Variants in CTNNA3 observed in about 807,000 individuals in gnomAD.
CTNNA3 encodes catenin alpha-3.
A neutral mutation model predicts 95.7 loss-of-function variants in CTNNA3; 76 were observed. The ratio of observed to expected loss-of-function variants is 0.79; its 90% confidence interval spans 0.66 to 0.96. The LOEUF is 0.96. Ranked by LOEUF, CTNNA3 falls within the 40% of genes least tolerant of loss-of-function variation. The pLI, the probability that CTNNA3 is intolerant of heterozygous loss-of-function variation, is 0.00. For missense variants in CTNNA3, 1,191 were observed against 1,089.8 expected (o/e 1.09, Z -1.31); for synonymous variants, 431 against 374.4 (o/e 1.15, Z -1.74).
At chr10:66,200,288 G>T (rs935199435) in intron 13 of CTNNA3, among the ~76,000 whole-genome samples, 3 of 151,892 alleles carry the variant, frequency 2.0e-5, no homozygotes, top group East Asian at 1.9e-4. Flanking sequence ...CAGGGGAACA[G>T]TGTTTCATAT....
At chr10:66,367,178 T>G (rs1234407933) in intron 12 of CTNNA3, among the ~76,000 whole-genome samples, 1 of 152,082 alleles carries the variant, frequency 6.6e-6, no homozygotes, top group Non-Finnish European at 1.5e-5. Context: ...GCTATGTAAC[T>G]GGTTAGCCCA....
intron 11 of CTNNA3, among the ~76,000 whole-genome samples, chr10:66,380,183 CTCTG>C (rs143334767): frequency 0.017 from 2,587 of 152,148 alleles, 71 homozygotes; most frequent in African/African-American, 0.059. Context: ...CTCTCACTCT[CTCTG>C]TCTGTGTCTC....
At chr10:67,691,222 G>A (rs1286896122) in intron 1 of CTNNA3, among the ~76,000 whole-genome samples, 1 of 152,170 alleles carries the variant, frequency 6.6e-6, no homozygotes, top group Non-Finnish European at 1.5e-5. Context: ...GGAGTGCAGT[G>A]GCATGATCTC....
chr10:65,927,877 T>C (rs555691526), intron 17 of CTNNA3, among the ~76,000 whole-genome samples: 279 of 152,312 alleles, frequency 1.8e-3, no homozygotes, highest in African/African-American at 6.5e-3. Flanking sequence ...AACAAACTGT[T>C]GACCAAAGTT....
chr10:65,973,940 A>T (rs975144034), intron 16 of CTNNA3, among the ~76,000 whole-genome samples: 4 of 152,198 alleles, frequency 2.6e-5, no homozygotes, highest in Non-Finnish European at 4.4e-5. Context: ...CAAAACATGA[A>T]TGGACACTTC....
chr10:67,628,250 C>CAA (rs199962864), intron 2 of CTNNA3, among the ~76,000 whole-genome samples: 2 of 121,616 alleles, frequency 1.6e-5, no homozygotes, highest in Non-Finnish European at 1.7e-5. Context: ...GAGTAAACTG[C>CAA]AAAAAAAAAA....
At chr10:67,149,454 A>G (rs2394326) in intron 7 of CTNNA3, among the ~76,000 whole-genome samples, 96,541 of 151,736 alleles carry the variant, frequency 0.64, 31,603 homozygotes, top group African/African-American at 0.8. Flanking sequence ...GCGTGGTGAC[A>G]GGCGCCTGTA....
At chr10:67,701,002 G>A (rs527333054), upstream of CTNNA3, among the ~76,000 whole-genome samples, 12 of 152,320 alleles carry the variant, frequency 7.9e-5, no homozygotes, top group East Asian at 7.7e-4. Flanking sequence ...GAGCCAATGC[G>A]ATCAACTGGA....
At chr10:66,246,326 G>A (rs530705220) in intron 13 of CTNNA3, among the ~76,000 whole-genome samples, 16 of 152,248 alleles carry the variant, frequency 1.1e-4, no homozygotes, top group African/African-American at 3.6e-4. Flanking sequence ...CCAGGGTTGG[G>A]GGGTGGGGCT....
chr10:66,976,224 G>T (rs1850021747), intron 7 of CTNNA3, among the ~76,000 whole-genome samples: 1 of 152,184 alleles, frequency 6.6e-6, no homozygotes, highest in Non-Finnish European at 1.5e-5. Context: ...TAGTGCAGGT[G>T]AGAAACAGTG....
intron 10 of CTNNA3, among the ~76,000 whole-genome samples, chr10:66,608,500 T>G (rs1323066536): frequency 6.6e-6 from 1 of 151,932 alleles, no homozygotes; most frequent in Non-Finnish European, 1.5e-5. Context: ...GACAATCCTA[T>G]GTAAAAAGAG....
At chr10:66,222,586 GAAAA>G (rs1376531874) in intron 13 of CTNNA3, among the ~76,000 whole-genome samples, 2 of 116,508 alleles carry the variant, frequency 1.7e-5, no homozygotes. Context: ...AAGAAGGAAA[GAAAA>G]AGAAAGAACG....
rs750151799 is a variant in CTNNA3, at chr10:66,103,172, T to C, written c.1962A>G (p.Glu654=). 1.2e-5 allele frequency: 20 copies of C among 1,613,790 alleles called. No individual in the cohort carries two copies. Among genetic ancestry groups the C allele is most frequent in the Middle Eastern group, 1.6e-4 (1 of 6,084 alleles). The change falls in exon 14 of 18, where the codon GAA becomes GAG. Residue 654 remains glutamate, a synonymous_variant. Transcript: ENST00000433211. ...AGTGACATACCCTATCAGTTTTCCC[T>C]TCGGTCTGAATGCTGGTGTGACTGC... is the stretch of plus-strand genomic sequence containing the variant. ...EVRSHTSIQT[E]GKTDRAKMTQ...
rs550096586 is a variant in CTNNA3 at position 66,802,656 on chromosome 10, T to G, written c.1048-27132A>C. Among the ~76,000 whole-genome samples the G allele has an allele frequency of 1.0e-3, 154 of 151,478 alleles. 3 individuals carry two copies. The highest frequency in any genetic ancestry group is 6.0e-4 in the Non-Finnish European group (41 of 67,802). ...GCATGTGTCCAAGAATATTAAAATA[T>G]ATATCAAAAAGAATTGTACAAAAAT... is the stretch of plus-strand genomic sequence containing the variant. On this transcript the variant is annotated intron_variant, in intron 7 of 17. Transcript: ENST00000433211.
At chr10:66,969,038 A>T (rs11594075) in intron 7 of CTNNA3, among the ~76,000 whole-genome samples, 34,275 of 151,780 alleles carry the variant, frequency 0.23, 4,388 homozygotes, top group South Asian at 0.3. Context: ...ATAAATAAAC[A>T]AATATTATAT....
intron 12 of CTNNA3, among the ~76,000 whole-genome samples, chr10:66,284,513 A>C (rs1227581975): frequency 6.6e-6 from 1 of 151,706 alleles, no homozygotes; most frequent in South Asian, 2.1e-4. Context: ...AATGCAGTTA[A>C]CAGACCTACA....
At chr10:67,434,976 T>C (rs1221878186) in intron 5 of CTNNA3, among the ~76,000 whole-genome samples, 1 of 152,030 alleles carries the variant, frequency 6.6e-6, no homozygotes. Context: ...TATATACAGG[T>C]AGCCTCCGAA....
intron 10 of CTNNA3, among the ~76,000 whole-genome samples, chr10:66,621,330 A>G (rs78960521): frequency 2.0e-5 from 3 of 152,074 alleles, no homozygotes; most frequent in South Asian, 2.1e-4. Flanking sequence ...CCATGCTTCA[A>G]ATAAACATTT....
At chr10:67,385,214 T>C (rs1844106791) in intron 5 of CTNNA3, among the ~76,000 whole-genome samples, 1 of 152,248 alleles carries the variant, frequency 6.6e-6, no homozygotes, top group Non-Finnish European at 1.5e-5. Flanking sequence ...CAGCTTATAG[T>C]CTAATGACCT....
Sources: gnomAD v4.1 joint callset for allele counts (sites outside exome capture counted in the v4.1 genomes callset) on GRCh38, gnomAD v4.1.1 for gene constraint, MANE v1.5 for transcripts, NCBI Gene and HGNC (gene_info 2026-07-23, HGNC 2026-07-21) for gene names.